NPAS3: variants seen among roughly 807,000 people sequenced by gnomAD.
The protein encoded by NPAS3 is neuronal PAS domain protein 3.
NPAS3 carries 14 observed loss-of-function variants against 73.1 expected under a neutral mutation model. That is an observed-to-expected ratio of 0.19 (90% CI 0.13 to 0.30). The LOEUF (loss-of-function observed/expected upper bound fraction) is 0.30, where lower values mean the gene tolerates loss of function less well. Among genes scored for constraint, NPAS3 ranks in the 10% least tolerant of loss-of-function variants. NPAS3 has a pLI of 1.00. For missense variants in NPAS3, 1,096 were observed against 1,250.0 expected (o/e 0.88, Z 1.86); for synonymous variants, 620 against 541.5 (o/e 1.14, Z -2.01).
chr14:33,424,438 A>G (rs1377030799), intron 4 of NPAS3, among the ~76,000 whole-genome samples: 2 of 151,908 alleles, frequency 1.3e-5, no homozygotes, highest in Non-Finnish European at 2.9e-5. Flanking sequence ...CAACTACTTT[A>G]ACTATAGTCA....
chr14:33,529,442 T>G (rs2053945586), intron 4 of NPAS3, among the ~76,000 whole-genome samples: 1 of 152,064 alleles, frequency 6.6e-6, no homozygotes, highest in Non-Finnish European at 1.5e-5. Flanking sequence ...CTAGTCTGTA[T>G]AGACTGATAT....
At chr14:33,422,382 G>C (rs1414704919) in intron 4 of NPAS3, among the ~76,000 whole-genome samples, 1 of 151,878 alleles carries the variant, frequency 6.6e-6, no homozygotes, top group East Asian at 1.9e-4. Context: ...AAGAAGGTCT[G>C]AGAAAGACTA....
intron 3 of NPAS3, among the ~76,000 whole-genome samples, chr14:33,317,287 C>CTA (rs1041912976): frequency 9.2e-5 from 14 of 152,188 alleles, no homozygotes; most frequent in African/African-American, 3.4e-4. Context: ...CTATTAGGCA[C>CTA]TATACTGAGT....
chr14:33,736,687 G>C (rs1015091611), intron 7 of NPAS3, among the ~76,000 whole-genome samples: 5 of 152,144 alleles, frequency 3.3e-5, no homozygotes, highest in Non-Finnish European at 7.4e-5. Flanking sequence ...TTGCATTTCA[G>C]ATTTTAGGAA....
At chr14:32,994,551 T>C (rs1214756069) in intron 1 of NPAS3, among the ~76,000 whole-genome samples, 1 of 151,104 alleles carries the variant, frequency 6.6e-6, no homozygotes, top group East Asian at 1.9e-4. Flanking sequence ...GGTTGCAAGA[T>C]AACTGCTTGC....
At chr14:33,730,270 C>T (rs142672921) in intron 6 of NPAS3, among the ~76,000 whole-genome samples, 10 of 152,256 alleles carry the variant, frequency 6.6e-5, no homozygotes, top group African/African-American at 2.4e-4. Flanking sequence ...ACCTCATGAC[C>T]TTTGGAGTCC....
intron 3 of NPAS3, among the ~76,000 whole-genome samples, chr14:33,228,195 A>G (rs889642349): frequency 2.0e-5 from 3 of 152,234 alleles, no homozygotes; most frequent in Non-Finnish European, 4.4e-5. Flanking sequence ...ATCAGAAGGA[A>G]GAGGTAGCTC....
chr14:33,138,223 G>A (rs1275735442), intron 2 of NPAS3, among the ~76,000 whole-genome samples: 1 of 88,472 alleles, frequency 1.1e-5, no homozygotes, highest in Non-Finnish European at 2.1e-5. Flanking sequence ...CCTCACAACA[G>A]GCCCCGGTGT....
chr14:33,532,779 G>A (rs1044129374), intron 4 of NPAS3, among the ~76,000 whole-genome samples: 3 of 152,012 alleles, frequency 2.0e-5, no homozygotes, highest in South Asian at 4.2e-4. Flanking sequence ...GTAAATGACC[G>A]CTTCCTAAAA....
chr14:33,389,656 C>G (rs994438044), intron 4 of NPAS3, among the ~76,000 whole-genome samples: 1 of 152,150 alleles, frequency 6.6e-6, no homozygotes, highest in Non-Finnish European at 1.5e-5. Context: ...ACACCATTAA[C>G]ATGAAACAGA....
At chr14:33,711,248 G>GA (rs1207238760) in intron 6 of NPAS3, among the ~76,000 whole-genome samples, 9 of 152,070 alleles carry the variant, frequency 5.9e-5, no homozygotes, top group South Asian at 2.1e-4. Context: ...AGGTGACAGG[G>GA]AAAAAAATCT....
intron 3 of NPAS3, among the ~76,000 whole-genome samples, chr14:33,318,210 G>A (rs1402029255): frequency 6.6e-6 from 1 of 152,060 alleles, no homozygotes; most frequent in Non-Finnish European, 1.5e-5. Flanking sequence ...TGTGAACTTT[G>A]AGGACATTAT....
upstream of NPAS3, among the ~76,000 whole-genome samples, chr14:32,938,505 G>C (rs1459700153): frequency 8.6e-6 from 1 of 116,804 alleles, no homozygotes; most frequent in African/African-American, 3.6e-5. Flanking sequence ...GAGAGAGAGA[G>C]AGAGAGAGAG....
chr14:33,667,673 A>AAAT (rs1409556499), intron 5 of NPAS3, among the ~76,000 whole-genome samples: 1 of 152,218 alleles, frequency 6.6e-6, no homozygotes, highest in East Asian at 1.9e-4. Context: ...AACCAAAATA[A>AAAT]AATAGCAGTA....
intron 2 of NPAS3, among the ~76,000 whole-genome samples, chr14:33,178,751 A>C (rs1329867215): frequency 6.6e-6 from 1 of 152,182 alleles, no homozygotes; most frequent in Non-Finnish European, 1.5e-5. Flanking sequence ...ATATAGGATC[A>C]TGTCATCTGT....
intron 4 of NPAS3, among the ~76,000 whole-genome samples, chr14:33,447,864 ATGAT>A (rs1264607848): frequency 2.0e-5 from 3 of 152,150 alleles, no homozygotes; most frequent in Non-Finnish European, 4.4e-5. Flanking sequence ...AGAGTGAGCT[ATGAT>A]TGTGCCACTG....
At chr14:33,126,548 A>G (rs564365787) in intron 2 of NPAS3, among the ~76,000 whole-genome samples, 2 of 152,228 alleles carry the variant, frequency 1.3e-5, no homozygotes, top group South Asian at 2.1e-4. Flanking sequence ...AGAGCTGACC[A>G]CAGAAGGATT....
chr14:33,157,731 T>C (rs539886623), intron 2 of NPAS3, among the ~76,000 whole-genome samples: 7 of 152,282 alleles, frequency 4.6e-5, no homozygotes, highest in Non-Finnish European at 8.8e-5. Flanking sequence ...CCGGGTACAA[T>C]TGTGTTTATT....
In NPAS3 at chr14:33,152,418, C is replaced by T. The variant is rs115861967; in HGVS notation, c.141-62764C>T. On this transcript the variant is annotated intron_variant, in intron 2 of 11. Coordinates refer to ENST00000356141, the Ensembl canonical transcript of NPAS3. Reference sequence around the variant, plus strand: ...AGTGATGTTCTAATGACATTCATTACACTTAGCTGGCCTCTGTAGGATGAC... The same window carrying T: ...AGTGATGTTCTAATGACATTCATTATACTTAGCTGGCCTCTGTAGGATGAC... 6.4e-3 allele frequency among the ~76,000 whole-genome samples: 981 copies of T among 152,212 alleles called. 8 individuals are homozygous for T. Among genetic ancestry groups the T allele is most frequent in the African/African-American group, 0.023 (936 of 41,536 alleles).
Sources: gnomAD v4.1 joint callset for allele counts (sites outside exome capture counted in the v4.1 genomes callset) on GRCh38, gnomAD v4.1.1 for gene constraint, MANE v1.5 for transcripts, NCBI Gene and HGNC (gene_info 2026-07-23, HGNC 2026-07-21) for gene names.